The following ANO4 variants were observed in gnomAD, a reference collection of about 807,000 sequenced individuals.
ANO4 encodes the protein anoctamin 4.
ANO4 carries 69 observed loss-of-function variants against 141.9 expected under a neutral mutation model. That is an observed-to-expected ratio of 0.49 (90% CI 0.40 to 0.59). ANO4 has a LOEUF of 0.59. ANO4 is among the 20% of genes least tolerant of loss of function. The pLI, the probability that ANO4 is intolerant of heterozygous loss-of-function variation, is 0.00. For missense variants in ANO4, 894 were observed against 1,162.2 expected, an observed-to-expected ratio of 0.77 and a Z score of 3.36; for synonymous variants, 350 against 394.3, an observed-to-expected ratio of 0.89 and a Z score of 1.33.
At chr12:100,872,293 G>A (rs1175440868) in intron 1 of ANO4, among the ~76,000 whole-genome samples, 2 of 152,018 alleles carry the variant, frequency 1.3e-5, no homozygotes, top group African/African-American at 2.4e-5. Flanking sequence ...CAACATGATG[G>A]ATCCTGTCAT....
Position 100,890,353 on chromosome 12 carries a change from C to T in ANO4, c.-140-11293C>T, listed in dbSNP as rs536495576. Among the ~76,000 whole-genome samples, 3 of 152,264 alleles carry T rather than the reference C, an allele frequency of 2.0e-5. No homozygotes were observed. In the East Asian group the frequency reaches 5.8e-4, roughly 29 times the overall value. On this transcript the variant is annotated intron_variant, in intron 1 of 27. Coordinates refer to ENST00000392977, the MANE Select transcript of ANO4 (RefSeq NM_001286615.2). ...TATTTAATAAAAATTTTGAATGGAA[C>T]ATTTTCTTACGTAACTGTTAGTATG...
intron 1 of ANO4, among the ~76,000 whole-genome samples, chr12:100,822,802 G>C (rs2036124053): frequency 6.6e-6 from 1 of 151,774 alleles, no homozygotes; most frequent in Non-Finnish European, 1.5e-5. Flanking sequence ...CTTATCTTTG[G>C]GGCTCTTGTC....
At chr12:101,085,305 C>T (rs544898801) in intron 16 of ANO4, among the ~76,000 whole-genome samples, 52 of 152,192 alleles carry the variant, frequency 3.4e-4, no homozygotes, top group African/African-American at 1.2e-3. Context: ...CTCAGATTTG[C>T]ATTAAAGTCA....
intron 18 of ANO4, 90 bp downstream of exon 18, chr12:101,094,382 A>C (rs779703285): frequency 4.9e-6 from 5 of 1,030,906 alleles, no homozygotes; most frequent in Non-Finnish European, 7.0e-6. Context: ...GCTGGAAAGA[A>C]ATAGTCCCTT....
At position 101,116,550 on chromosome 12, in the gene ANO4, T is replaced by A. The variant is rs2050860439; in HGVS notation, c.2451-129T>A. 1.3e-5 allele frequency: 17 copies of A among 1,322,494 alleles called. No homozygotes were observed. The Admixed American group carries it at 2.9e-4, about 22-fold the overall frequency. The allele number at this position is 1,322,494 out of a possible 1,614,324, so 81.9% of individuals were successfully genotyped here. Reference sequence around the variant, plus strand: ...TTCCAGCGTATCCCAACCTGAGTCCTGGTTGACAAGGAAGGGCCAGTTAAA... The same window carrying A: ...TTCCAGCGTATCCCAACCTGAGTCCAGGTTGACAAGGAAGGGCCAGTTAAA... On this transcript the variant is annotated intron_variant, in intron 24 of 27. Coordinates refer to ENST00000392977, the MANE Select transcript of ANO4 (RefSeq NM_001286615.2).
At chr12:101,095,043 G>A (rs1227798804) in intron 18 of ANO4, among the ~76,000 whole-genome samples, 1 of 152,122 alleles carries the variant, frequency 6.6e-6, no homozygotes, top group Non-Finnish European at 1.5e-5. Context: ...ACAAGGTATT[G>A]GTCATTGTGC....
At chr12:100,979,764 G>C (rs2044366029) in intron 7 of ANO4, among the ~76,000 whole-genome samples, 2 of 151,700 alleles carry the variant, frequency 1.3e-5, no homozygotes, top group South Asian at 4.2e-4. Flanking sequence ...GTCTCACTGT[G>C]TTGCCCAGGC....
chr12:101,068,835 ATT>A (rs2048699439), intron 14 of ANO4: 2 of 1,043,700 alleles, frequency 1.9e-6, no homozygotes, highest in South Asian at 2.5e-5. Flanking sequence ...TTGCTGAGCT[ATT>A]TGAAAAACTT....
At chr12:101,083,856 A>G (rs750878627) in intron 16 of ANO4, 38 bp downstream of exon 16, 2 of 1,499,588 alleles carry the variant, frequency 1.3e-6, no homozygotes, top group South Asian at 1.3e-5. Context: ...TTCATAAAAT[A>G]CAAACCTATA....
At chr12:101,010,083 T>G (rs2046022014) in intron 8 of ANO4, among the ~76,000 whole-genome samples, 1 of 152,146 alleles carries the variant, frequency 6.6e-6, no homozygotes, top group South Asian at 2.1e-4. Context: ...GTTTTCTAAG[T>G]CTATTATTAC....
chr12:100,793,661 T>C (rs1475963176), upstream of ANO4, among the ~76,000 whole-genome samples: 1 of 152,078 alleles, frequency 6.6e-6, no homozygotes, highest in African/African-American at 2.4e-5. Context: ...TCTGCAGTGA[T>C]AAAAAGGTGG....
chr12:100,999,147 A>G (rs2045527699), intron 8 of ANO4, among the ~76,000 whole-genome samples: 1 of 152,252 alleles, frequency 6.6e-6, no homozygotes, highest in Non-Finnish European at 1.5e-5. Flanking sequence ...TTAAAACAAC[A>G]AAATTTATCA....
At chr12:100,912,216 G>A (rs1453758378) in intron 2 of ANO4, among the ~76,000 whole-genome samples, 1 of 151,612 alleles carries the variant, frequency 6.6e-6, no homozygotes, top group Non-Finnish European at 1.5e-5. Flanking sequence ...GCCAACATGG[G>A]GAAATCCGTC....
At chr12:100,731,602 A>G (rs1461276558) in intron 1 of ANO4, among the ~76,000 whole-genome samples, 2 of 152,348 alleles carry the variant, frequency 1.3e-5, no homozygotes, top group Admixed American at 6.5e-5. Flanking sequence ...GCAGTATCAT[A>G]CAGACTAATT....
At chr12:100,773,724 T>C (rs534625159) in intron 3 of ANO4, among the ~76,000 whole-genome samples, 1 of 152,330 alleles carries the variant, frequency 6.6e-6, no homozygotes, top group South Asian at 2.1e-4. Flanking sequence ...CCCAACTTTA[T>C]TGTGAAATAT....
At chr12:100,917,206 A>G (rs998704588) in intron 2 of ANO4, among the ~76,000 whole-genome samples, 1 of 152,124 alleles carries the variant, frequency 6.6e-6, no homozygotes, top group Admixed American at 6.5e-5. Context: ...TAATTGGTCA[A>G]TGTGTTTCCA....
chr12:100,990,305 A>G (rs1402200840), intron 8 of ANO4, among the ~76,000 whole-genome samples: 1 of 152,112 alleles, frequency 6.6e-6, no homozygotes, highest in Non-Finnish European at 1.5e-5. Context: ...TCCTCTTTTC[A>G]TGCTGTTTAT....
intron 1 of ANO4, among the ~76,000 whole-genome samples, chr12:100,875,700 G>T (rs144593287): frequency 6.6e-6 from 1 of 152,318 alleles, no homozygotes; most frequent in African/African-American, 2.4e-5. Flanking sequence ...ATATTTTAAA[G>T]GTAAAGTCAA....
At chr12:100,987,789 T>C (rs1340577151) in intron 8 of ANO4, 119 bp downstream of exon 8, 1 of 1,395,118 alleles carries the variant, frequency 7.2e-7, no homozygotes, top group Non-Finnish European at 9.6e-7. Flanking sequence ...CCTTCTCCCC[T>C]AAAAGTCTTG....
Sources: gnomAD v4.1 joint callset for allele counts (sites outside exome capture counted in the v4.1 genomes callset) on GRCh38, gnomAD v4.1.1 for gene constraint, MANE v1.5 for transcripts, NCBI Gene and HGNC (gene_info 2026-07-23, HGNC 2026-07-21) for gene names.